IQCJ: variants seen among roughly 807,000 people sequenced by gnomAD.
The protein encoded by IQCJ is IQ domain-containing protein J.
IQCJ carries 9 observed loss-of-function variants against 11.0 expected under a neutral mutation model. The ratio of observed to expected loss-of-function variants is 0.82; its 90% confidence interval spans 0.49 to 1.43. IQCJ has a LOEUF of 1.43. Among genes scored for constraint, IQCJ ranks in the 40% most tolerant of loss-of-function variants. The pLI, the probability that IQCJ is intolerant of heterozygous loss-of-function variation, is 0.00. For missense variants in IQCJ, 146 were observed against 133.2 expected (o/e 1.10, Z -0.47); for synonymous variants, 55 against 51.3 (o/e 1.07, Z -0.31).
intron 1 of IQCJ, among the ~76,000 whole-genome samples, chr3:159,179,736 C>A (rs1722987658): frequency 6.6e-6 from 1 of 152,116 alleles, no homozygotes; most frequent in African/African-American, 2.4e-5. Flanking sequence ...AAGAATCAAC[C>A]TTTAATACAT....
At chr3:159,184,447 T>C (rs1373140634) in intron 1 of IQCJ, among the ~76,000 whole-genome samples, 1 of 152,196 alleles carries the variant, frequency 6.6e-6, no homozygotes. Flanking sequence ...TATTGAGGCA[T>C]TTATTTGCTT....
intron 1 of IQCJ, among the ~76,000 whole-genome samples, chr3:159,144,046 G>A (rs553111030): frequency 6.6e-6 from 1 of 152,282 alleles, no homozygotes; most frequent in Admixed American, 6.5e-5. Flanking sequence ...CGATTCATGA[G>A]GGTGCAGCCC....
intron 1 of IQCJ, among the ~76,000 whole-genome samples, chr3:159,156,379 T>A (rs1184828127): frequency 6.6e-6 from 1 of 152,120 alleles, no homozygotes; most frequent in Non-Finnish European, 1.5e-5. Context: ...TAGAAGGCCA[T>A]GTATGACTCC....
chr3:159,132,343 C>T (rs1007012173), intron 1 of IQCJ, among the ~76,000 whole-genome samples: 2 of 152,156 alleles, frequency 1.3e-5, no homozygotes, highest in Admixed American at 6.6e-5. Flanking sequence ...TCTTCTCCCA[C>T]GATATCCAGG....
intron 1 of IQCJ, among the ~76,000 whole-genome samples, chr3:159,135,833 C>T (rs900270661): frequency 2.0e-5 from 3 of 152,186 alleles, no homozygotes; most frequent in Non-Finnish European, 4.4e-5. Context: ...TGAATTTATA[C>T]CCACATTCAT....
intron 1 of IQCJ, among the ~76,000 whole-genome samples, chr3:159,074,208 T>G (rs894943958): frequency 1.3e-4 from 20 of 152,054 alleles, no homozygotes; most frequent in African/African-American, 4.6e-4. Flanking sequence ...GAGGCTCCAC[T>G]GAATGGAGAG....
intron 3 of IQCJ, among the ~76,000 whole-genome samples, chr3:159,254,470 C>T (rs961971701): frequency 2.6e-5 from 4 of 152,176 alleles, no homozygotes; most frequent in Non-Finnish European, 5.9e-5. Flanking sequence ...TTCTGAATCC[C>T]ATTTCTGCTC....
In IQCJ at chr3:159,252,674, T is replaced by C. The variant is rs373538863; in HGVS notation, c.75-53T>C. The C allele has an allele frequency of 6.7e-6, 10 of 1,503,346 alleles. No homozygotes were observed. The African/African-American group carries it at 1.1e-4, about 17-fold the overall frequency. 93.1% of individuals were successfully genotyped at this position (1,503,346 alleles called of 1,614,324 possible). ...GTATAAATTAGCAGTATTATTGCTA[T>C]AGATGTTAACCTTCTGGATTGGGAG... On this transcript the variant is annotated intron_variant, in intron 2 of 3. Coordinates refer to ENST00000397832, the MANE Select transcript of IQCJ (RefSeq NM_001042706.3).
At chr3:159,238,864 G>T (rs974431625) in intron 1 of IQCJ, among the ~76,000 whole-genome samples, 2 of 152,184 alleles carry the variant, frequency 1.3e-5, no homozygotes, top group Non-Finnish European at 2.9e-5. Context: ...CAATGAGGTG[G>T]AGTGGGGAGA....
chr3:159,159,123 A>C (rs1390830096), intron 1 of IQCJ, among the ~76,000 whole-genome samples: 1 of 152,188 alleles, frequency 6.6e-6, no homozygotes, highest in East Asian at 1.9e-4. Context: ...GTGAAGCAGC[A>C]TGGGTGTGCT....
rs561191392 is a variant in IQCJ at position 159,187,533 on chromosome 3, T to C, written c.10-58310T>C. Among the ~76,000 whole-genome samples, 6 of 152,394 alleles carry C rather than the reference T, an allele frequency of 3.9e-5. No individual in the cohort carries two copies. The East Asian group carries it at 7.7e-4, about 20-fold the overall frequency. ...GACCAACACGGCAGGGCTTCGCTCC[T>C]GGTGCACCATGCTCCGCGCGGTCAG... On this transcript the variant is annotated intron_variant, in intron 1 of 3. Coordinates refer to ENST00000397832, the MANE Select transcript of IQCJ (RefSeq NM_001042706.3).
chr3:159,094,459 GT>G, intron 1 of IQCJ, among the ~76,000 whole-genome samples: 1 of 77,762 alleles, frequency 1.3e-5, no homozygotes, highest in East Asian at 4.0e-4. Flanking sequence ...ACTATTGGAA[GT>G]TTTAAATATA....
intron 1 of IQCJ, among the ~76,000 whole-genome samples, chr3:159,225,512 AACAC>A (rs1185211332): frequency 6.6e-6 from 1 of 152,190 alleles, no homozygotes; most frequent in Non-Finnish European, 1.5e-5. Context: ...TAACATTATA[AACAC>A]ACACAAATGA....
intron 1 of IQCJ, among the ~76,000 whole-genome samples, chr3:159,205,254 G>A (rs1468775497): frequency 6.6e-6 from 1 of 152,166 alleles, no homozygotes; most frequent in Non-Finnish European, 1.5e-5. Flanking sequence ...ACAAGGAAAG[G>A]ATACAGATTA....
At chr3:159,237,357 T>C (rs1008242899) in intron 1 of IQCJ, among the ~76,000 whole-genome samples, 1 of 152,222 alleles carries the variant, frequency 6.6e-6, no homozygotes, top group Non-Finnish European at 1.5e-5. Flanking sequence ...GCCACAGTGA[T>C]GGGCTTGTCT....
At chr3:159,178,900 G>A (rs371762615) in intron 1 of IQCJ, among the ~76,000 whole-genome samples, 7 of 151,836 alleles carry the variant, frequency 4.6e-5, no homozygotes, top group African/African-American at 9.7e-5. Flanking sequence ...ACCCCTGCAC[G>A]ATGATGCCTC....
chr3:159,085,319 G>T (rs1292419452), intron 1 of IQCJ, among the ~76,000 whole-genome samples: 2 of 151,362 alleles, frequency 1.3e-5, no homozygotes, highest in Admixed American at 1.3e-4. Context: ...GTCTATCATT[G>T]TTGGACATTT....
At chr3:159,190,685 G>C (rs1003622568) in intron 1 of IQCJ, among the ~76,000 whole-genome samples, 1 of 152,236 alleles carries the variant, frequency 6.6e-6, no homozygotes, top group African/African-American at 2.4e-5. Flanking sequence ...TAAGGATGCA[G>C]CACTGAACTG....
At chr3:159,089,740 G>A (rs1169515424) in intron 1 of IQCJ, among the ~76,000 whole-genome samples, 7 of 151,252 alleles carry the variant, frequency 4.6e-5, no homozygotes, top group Middle Eastern at 3.2e-3. Context: ...CATTCTTTAC[G>A]TAGTTCTAGA....
Sources: gnomAD v4.1 joint callset for allele counts (sites outside exome capture counted in the v4.1 genomes callset) on GRCh38, gnomAD v4.1.1 for gene constraint, MANE v1.5 for transcripts, NCBI Gene and HGNC (gene_info 2026-07-23, HGNC 2026-07-21) for gene names.